Variants in LRP8 observed in about 807,000 individuals in gnomAD.
LRP8 encodes LDL receptor related protein 8.
LRP8 carries 46 observed loss-of-function variants against 111.6 expected under a neutral mutation model. The ratio of observed to expected loss-of-function variants is 0.41; its 90% confidence interval spans 0.33 to 0.53. The LOEUF is 0.53. Ranked by LOEUF, LRP8 falls within the 20% of genes least tolerant of loss-of-function variation. The probability of loss-of-function intolerance (pLI) is 0.20; values close to 1 mark genes in which losing one functional copy is unlikely to be tolerated. For missense variants in LRP8, 959 were observed against 1,297.4 expected, an observed-to-expected ratio of 0.74 and a Z score of 4.01; for synonymous variants, 464 against 511.2, an observed-to-expected ratio of 0.91 and a Z score of 1.24.
chr1:53,297,777 T>A (rs1360965744), intron 2 of LRP8, among the ~76,000 whole-genome samples: 1 of 152,136 alleles, frequency 6.6e-6, no homozygotes, highest in African/African-American at 2.4e-5. Flanking sequence ...GTTACACAAT[T>A]CTAACCAAGC....
At chr1:53,325,006 C>T (rs182524846) in intron 2 of LRP8, among the ~76,000 whole-genome samples, 13 of 152,370 alleles carry the variant, frequency 8.5e-5, no homozygotes, top group Admixed American at 5.2e-4. Flanking sequence ...TCACAGCCAT[C>T]CTCACAAGGA....
intron 13 of LRP8, 23 bp from the exon 14 acceptor site, chr1:53,258,494 C>A (rs757636661): frequency 6.2e-7 from 1 of 1,611,760 alleles, no homozygotes; most frequent in Non-Finnish European, 8.5e-7. Flanking sequence ...AGGGAGACAG[C>A]TGGGGCACAG....
At chr1:53,288,113 G>A (rs2100455251) in intron 3 of LRP8, 1 of 152,400 alleles carries the variant, frequency 6.6e-6, no homozygotes, top group East Asian at 1.9e-4. Flanking sequence ...GCTGGAGTGA[G>A]GTACGGATGG....
intron 2 of LRP8, among the ~76,000 whole-genome samples, chr1:53,309,718 G>T (rs1299597355): frequency 5.3e-5 from 8 of 152,154 alleles, no homozygotes. Context: ...CCTGTGTCAG[G>T]CTCCGGGGAT....
intron 2 of LRP8, among the ~76,000 whole-genome samples, chr1:53,313,351 C>T (rs1015584008): frequency 3.3e-5 from 5 of 152,134 alleles, no homozygotes; most frequent in African/African-American, 7.2e-5. Flanking sequence ...CAGTCATGTG[C>T]GGCAAGAGGG....
intron 15 of LRP8, 123 bp from the exon 16 acceptor site, chr1:53,255,308 T>C (rs1170975285): frequency 2.5e-6 from 2 of 800,834 alleles, no homozygotes; most frequent in Non-Finnish European, 4.1e-6. Context: ...TGATCCTGGC[T>C]GTTGCCTAAT....
At chr1:53,278,373 C>G (rs1572520934) in intron 4 of LRP8, among the ~76,000 whole-genome samples, 1 of 152,196 alleles carries the variant, frequency 6.6e-6, no homozygotes, top group East Asian at 1.9e-4. Flanking sequence ...GTGGCTGTGG[C>G]CAAAGGTGAG....
At chr1:53,260,868 G>A (rs1430181862) in intron 12 of LRP8, among the ~76,000 whole-genome samples, 1 of 152,192 alleles carries the variant, frequency 6.6e-6, no homozygotes, top group Non-Finnish European at 1.5e-5. Flanking sequence ...AACTAAGCCT[G>A]CTTGCTAGAG....
chr1:53,262,330 G>A lies in LRP8; in HGVS notation c.1774+116C>T. 4.6e-6 allele frequency: 7 copies of A among 1,523,854 alleles called. No individual in the cohort carries two copies. The highest frequency in any genetic ancestry group is 6.3e-6 in the Non-Finnish European group (7 of 1,109,086). 94.4% of individuals were successfully genotyped at this position (1,523,854 alleles called of 1,614,324 possible). The stretch of plus-strand genomic sequence containing the variant: ...TGAGGCCAGCCTACGGCAACCATTA[G>A]GAAACAAAGTCACTGGCACCATGAG... On this transcript the variant is annotated intron_variant, in intron 11 of 18. Transcript: ENST00000306052. This position sits in a 1 kb window ranked among gnomAD's most constrained non-coding sequence, Gnocchi z 4.8.
rs932428371 is a variant in LRP8 at position 53,303,818 on chromosome 1, T to G, written c.245-14129A>C. On this transcript the variant is annotated intron_variant, in intron 2 of 18. Transcript: ENST00000306052. This position sits in a 1 kb window ranked among gnomAD's most constrained non-coding sequence, Gnocchi z 4.3. ...ACATATGGCCATTCGCCCTCTTGAATGCTCTCAGCGACAGGGGACTCAGTC... is the reference window on the plus strand; with the variant it reads ...ACATATGGCCATTCGCCCTCTTGAAGGCTCTCAGCGACAGGGGACTCAGTC... 1.3e-5 allele frequency among the ~76,000 whole-genome samples: 2 copies of G among 152,234 alleles called. No homozygotes were observed. Among genetic ancestry groups the G allele is most frequent in the African/African-American group, 2.4e-5 (1 of 41,466 alleles).
rs775942345 is a variant in LRP8 at position 53,262,605 on chromosome 1, C to T, written c.1656-41G>A. 6.5e-7 allele frequency: 1 copy of T among 1,532,046 alleles called. No individual in the cohort carries two copies. The highest frequency in any genetic ancestry group is 9.0e-7 in the Non-Finnish European group (1 of 1,106,460). 94.9% of individuals were successfully genotyped at this position (1,532,046 alleles called of 1,614,324 possible). On this transcript the variant is annotated intron_variant, in intron 10 of 18. Coordinates refer to ENST00000306052, the MANE Select transcript of LRP8 (RefSeq NM_004631.5). This position sits in a 1 kb window ranked among gnomAD's most constrained non-coding sequence, Gnocchi z 4.8. ...ACCCAATTTGCCTTCTTGCTGGGGA[C>T]ATGACCGGGGTGGTCTGAGTCACAA...
chr1:53,255,000 G>A, intron 16 of LRP8, 117 bp downstream of exon 16: 3 of 1,062,048 alleles, frequency 2.8e-6, no homozygotes, highest in Non-Finnish European at 4.3e-6. Flanking sequence ...TGGGCAGGAA[G>A]GCTGCAAGGG....
chr1:53,310,567 A>C (rs761524985), intron 2 of LRP8, among the ~76,000 whole-genome samples: 1 of 152,182 alleles, frequency 6.6e-6, no homozygotes, highest in Non-Finnish European at 1.5e-5. Flanking sequence ...CCAGCCGTGC[A>C]GGAGCCTGTG....
intron 14 of LRP8, chr1:53,258,022 G>A (rs1646168396): frequency 8.0e-6 from 2 of 250,670 alleles, no homozygotes; most frequent in East Asian, 8.4e-5. Flanking sequence ...AAGCCACGGC[G>A]ATTAAGGGTT....
rs1221519828 is a variant in LRP8, at chr1:53,271,128, A to G, written c.1152T>C (p.Asp384=). 6.2e-7 allele frequency: 1 copy of G among 1,613,980 alleles called. No homozygotes were observed. The highest frequency in any genetic ancestry group is 1.1e-5 in the South Asian group (1 of 91,074). Residue 384 remains aspartate (D), a synonymous_variant, in exon 8 of 19, where the codon GAT becomes GAC. Coordinates refer to ENST00000306052, the MANE Select transcript of LRP8 (RefSeq NM_004631.5). ...AATTGACACAGATCTGGCTGCAGGC[A>G]TCTGGGTCCTTGCACTCATCAATGT... ...CGDIDECKDP[D]ACSQICVNYK...
At chr1:53,297,165 G>C (rs150007172) in intron 2 of LRP8, among the ~76,000 whole-genome samples, 29 of 152,248 alleles carry the variant, frequency 1.9e-4, no homozygotes, top group African/African-American at 6.5e-4. Context: ...GCTTCCACAT[G>C]GCTCTGCTTC....
chr1:53,302,856 A>ACTTTTTT (rs1553191209), intron 2 of LRP8, among the ~76,000 whole-genome samples: 1 of 126,606 alleles, frequency 7.9e-6, no homozygotes. Context: ...CACCCAGCTA[A>ACTTTTTT]TTTTTTTTTT....
rs952773720 is a variant in LRP8, at chr1:53,244,628, T to C, written c.*2390A>G. On this transcript the variant is annotated 3_prime_UTR_variant, in exon 19 of 19. Transcript: ENST00000306052. ...AAACATGAATGTCTCTGAGAAAAAG[T>C]TGTGAATTTCATTGTCATTTTGAGA... is the stretch of plus-strand genomic sequence containing the variant. The C allele has an allele frequency of 5.3e-5, 8 of 152,230 alleles. No homozygotes were observed. The highest frequency in any genetic ancestry group is 1.9e-4 in the African/African-American group (8 of 41,474). The allele number at this position is 152,230 out of a possible 1,614,324, so 9.4% of individuals were successfully genotyped here. A position where few individuals can be genotyped will look rare whatever the true frequency, so the allele number is the denominator to read the frequency against.
intron 2 of LRP8, among the ~76,000 whole-genome samples, chr1:53,310,449 C>T (rs777329817): frequency 2.6e-5 from 4 of 152,212 alleles, no homozygotes; most frequent in Admixed American, 6.5e-5. Context: ...TGAGAACTAC[C>T]TGCCTTACAG....
Sources: allele counts gnomAD v4.1 joint callset (sites outside exome capture counted in the v4.1 genomes callset), GRCh38; gene constraint gnomAD v4.1.1; non-coding constraint Gnocchi (gnomAD v3.1); transcripts MANE v1.5; gene names NCBI Gene and HGNC (gene_info 2026-07-23, HGNC 2026-07-21).